Variants in RERG observed in about 807,000 individuals in gnomAD.
The protein encoded by RERG is ras-related and estrogen-regulated growth inhibitor.
RERG carries 25 observed loss-of-function variants against 23.2 expected under a neutral mutation model. The ratio of observed to expected loss-of-function variants is 1.08; its 90% CI spans 0.79 to 1.50. The LOEUF is 1.50. RERG is among the 40% of genes most tolerant of loss of function. The pLI, the probability that RERG is intolerant of heterozygous loss-of-function variation, is 0.00. For missense variants in RERG, 253 were observed against 250.1 expected (o/e 1.01, Z -0.08); for synonymous variants, 81 against 89.1 (o/e 0.91, Z 0.51).
intron 2 of RERG, among the ~76,000 whole-genome samples, chr12:15,126,716 T>TTGTC (rs1863949305): frequency 8.2e-6 from 1 of 121,998 alleles, no homozygotes; most frequent in Non-Finnish European, 1.8e-5. Flanking sequence ...TTCTTTTTCT[T>TTGTC]TTTCTTTCTT....
intron 2 of RERG, among the ~76,000 whole-genome samples, chr12:15,176,336 C>T (rs968005261): frequency 1.3e-5 from 2 of 152,060 alleles, no homozygotes; most frequent in African/African-American, 4.8e-5. Context: ...CTTTCAGCAC[C>T]TTCTTCATAT....
intron 3 of RERG, among the ~76,000 whole-genome samples, chr12:15,118,279 A>G (rs4589355): frequency 0.67 from 101,025 of 151,810 alleles, 33,714 homozygotes; most frequent in Admixed American, 0.74. Flanking sequence ...CATTTTCTTC[A>G]TTGAATTATT....
chr12:15,200,750 C>T (rs1182193566), intron 2 of RERG, among the ~76,000 whole-genome samples: 1 of 151,820 alleles, frequency 6.6e-6, no homozygotes, highest in Non-Finnish European at 1.5e-5. Flanking sequence ...TTAAAAATTC[C>T]AACTTGACTA....
intron 2 of RERG, among the ~76,000 whole-genome samples, chr12:15,154,619 C>T (rs902500779): frequency 8.5e-5 from 13 of 152,072 alleles, no homozygotes; most frequent in Non-Finnish European, 1.8e-4. Flanking sequence ...CATGGACATC[C>T]GCTGATGGCC....
At chr12:15,126,865 A>G (rs111453874) in intron 2 of RERG, among the ~76,000 whole-genome samples, 5 of 151,104 alleles carry the variant, frequency 3.3e-5, no homozygotes, top group African/African-American at 1.2e-4. Context: ...CTACAGGCGC[A>G]ACCCGCCACA....
intron 2 of RERG, among the ~76,000 whole-genome samples, chr12:15,189,741 T>C (rs1002045093): frequency 1.1e-4 from 17 of 152,120 alleles, no homozygotes; most frequent in African/African-American, 3.6e-4. Flanking sequence ...TAGAAAGAAG[T>C]GTCTTCTGAG....
chr12:15,150,947 C>A (rs1330879456), intron 2 of RERG, among the ~76,000 whole-genome samples: 2 of 152,124 alleles, frequency 1.3e-5, no homozygotes, highest in African/African-American at 4.8e-5. Context: ...ATCTCCATAC[C>A]TAATTTGAGA....
At chr12:15,109,585 C>T (rs1393373173) in intron 4 of RERG, 68 bp from the exon 5 acceptor site, 8 of 1,281,678 alleles carry the variant, frequency 6.2e-6, no homozygotes, top group Non-Finnish European at 8.7e-6. Context: ...GCTGGTAATG[C>T]TGACAGTAAT....
intron 2 of RERG, among the ~76,000 whole-genome samples, chr12:15,123,564 T>C (rs1863878793): frequency 7.1e-6 from 1 of 140,094 alleles, no homozygotes; most frequent in Non-Finnish European, 1.6e-5. Flanking sequence ...AGTTAATTTA[T>C]TAAATTTAAA....
chr12:15,114,992 T>C (rs533924019), intron 3 of RERG, among the ~76,000 whole-genome samples: 59 of 152,254 alleles, frequency 3.9e-4, no homozygotes, highest in African/African-American at 1.3e-3. Flanking sequence ...TTGGGGAGAT[T>C]AGTTAAATGT....
intron 1 of RERG, chr12:15,218,004 A>T (rs1233511809): frequency 6.5e-6 from 1 of 153,174 alleles, no homozygotes; most frequent in Non-Finnish European, 1.5e-5. Flanking sequence ...GGGCCTCTTC[A>T]TGTCTCTTTG....
chr12:15,116,144 A>G (rs536711976), intron 3 of RERG, among the ~76,000 whole-genome samples: 1 of 152,206 alleles, frequency 6.6e-6, no homozygotes. Context: ...CTTGTCTCCA[A>G]GTGTTCTCCC....
At chr12:15,145,480 C>T (rs1371787900) in intron 2 of RERG, among the ~76,000 whole-genome samples, 1 of 152,216 alleles carries the variant, frequency 6.6e-6, no homozygotes, top group African/African-American at 2.4e-5. Context: ...GGATCTCAAA[C>T]AGGGTGGCAG....
intron 2 of RERG, among the ~76,000 whole-genome samples, chr12:15,212,976 G>A (rs981940490): frequency 9.2e-5 from 14 of 152,216 alleles, no homozygotes; most frequent in African/African-American, 1.9e-4. Flanking sequence ...TTTGTGCCAC[G>A]GAAAAAAATA....
chr12:15,206,343 A>AGAG (rs1297285638), intron 2 of RERG, among the ~76,000 whole-genome samples: 1 of 152,136 alleles, frequency 6.6e-6, no homozygotes, highest in Non-Finnish European at 1.5e-5. Context: ...CCATAAAGGC[A>AGAG]GAGAGCTCCT....
chr12:15,184,492 T>C (rs1035037990), intron 2 of RERG, among the ~76,000 whole-genome samples: 1 of 152,126 alleles, frequency 6.6e-6, no homozygotes, highest in South Asian at 2.1e-4. Flanking sequence ...TAAACCAGAA[T>C]GTCTGAAATT....
At chr12:15,141,957 C>T (rs557384730) in intron 2 of RERG, among the ~76,000 whole-genome samples, 11 of 152,306 alleles carry the variant, frequency 7.2e-5, no homozygotes, top group Non-Finnish European at 1.0e-4. Context: ...ATCTTACCAT[C>T]ATTGACACTG....
At chr12:15,117,063 A>G (rs1237328540) in intron 3 of RERG, among the ~76,000 whole-genome samples, 1 of 151,982 alleles carries the variant, frequency 6.6e-6, no homozygotes, top group Non-Finnish European at 1.5e-5. Context: ...TTTAATAACT[A>G]GAAGCATATT....
In RERG at chr12:15,149,335, TTAACA is replaced by T. The variant is rs541673452; in HGVS notation, c.62-28221_62-28217del. Among the ~76,000 whole-genome samples, 5 of 152,290 alleles carry T rather than the reference TTAACA, an allele frequency of 3.3e-5. No homozygotes were observed. In the South Asian group the frequency reaches 1.0e-3, roughly 32 times the overall value. On this transcript the variant is annotated intron_variant, in intron 2 of 4. Coordinates refer to ENST00000256953, the MANE Select transcript of RERG (RefSeq NM_032918.3). Reference sequence around the variant, plus strand: ...TAGACTGAATTCTGATACTTAATTCTTAACATATTTTAAAATATTAATAGTAAAAT... The same window carrying T: ...TAGACTGAATTCTGATACTTAATTCTTATTTTAAAATATTAATAGTAAAAT...
Sources: gnomAD v4.1 joint callset for allele counts (sites outside exome capture counted in the v4.1 genomes callset) on GRCh38, gnomAD v4.1.1 for gene constraint, MANE v1.5 for transcripts, NCBI Gene and HGNC (gene_info 2026-07-23, HGNC 2026-07-21) for gene names.